The following FBXL2 variants were observed in gnomAD, a reference collection of about 807,000 sequenced individuals.
FBXL2 encodes F-box and leucine rich repeat protein 2, also known as F-box/LRR-repeat protein 2.
FBXL2 carries 38 observed loss-of-function variants against 69.2 expected under a neutral mutation model. The observed-to-expected ratio is 0.55, with a 90% CI of 0.42 to 0.72. FBXL2 has a LOEUF of 0.72. FBXL2 is among the 30% of genes least tolerant of loss of function. The pLI is 0.00. For missense variants in FBXL2, 354 were observed against 520.3 expected (o/e 0.68, Z 3.11); for synonymous variants, 192 against 201.3 (o/e 0.95, Z 0.39).
chr3:33,301,819 C>T (rs981317779), intron 2 of FBXL2, among the ~76,000 whole-genome samples: 10 of 152,066 alleles, frequency 6.6e-5, no homozygotes, highest in African/African-American at 2.4e-4. Context: ...GTTGGAGTAT[C>T]CTTGCATATA....
At chr3:33,317,751 G>A in intron 2 of FBXL2, 1 of 271,500 alleles carries the variant, frequency 3.7e-6, no homozygotes, top group Non-Finnish European at 7.4e-6. Context: ...TACATCTGAA[G>A]TGGATGTTAG....
the FBXL2 span, among the ~76,000 whole-genome samples, chr3:33,421,822 G>T: frequency 6.6e-6 from 1 of 152,156 alleles, no homozygotes; most frequent in Non-Finnish European, 1.5e-5. Flanking sequence ...GCCAAGGTGG[G>T]TGGATCACTT....
chr3:33,316,936 CTG>C (rs1217197542), intron 2 of FBXL2, among the ~76,000 whole-genome samples: 1 of 151,802 alleles, frequency 6.6e-6, no homozygotes, highest in African/African-American at 2.4e-5. Flanking sequence ...AGATCTCACT[CTG>C]TTGTCCAGGC....
chr3:33,378,890 G>A, intron 13 of FBXL2, 149 bp downstream of exon 13: 5 of 1,422,874 alleles, frequency 3.5e-6, no homozygotes, highest in South Asian at 1.5e-5. Context: ...GGGAGGCAAG[G>A]TATCTAAATA....
At chr3:33,403,117 A>G in intron 12 of FBXL2, 5 of 500,790 alleles carry the variant, frequency 1.0e-5, no homozygotes, top group Non-Finnish European at 1.8e-5. Context: ...TTAATCTTAG[A>G]GAAGACCTAA....
downstream of FBXL2, among the ~76,000 whole-genome samples, chr3:33,404,899 A>G (rs1295510110): frequency 6.6e-6 from 1 of 152,180 alleles, no homozygotes; most frequent in Non-Finnish European, 1.5e-5. Flanking sequence ...AAAATTCTAG[A>G]AGTTATATTC....
At chr3:33,280,600 T>G (rs750191503) in intron 1 of FBXL2, among the ~76,000 whole-genome samples, 10 of 151,978 alleles carry the variant, frequency 6.6e-5, no homozygotes, top group African/African-American at 2.4e-4. Flanking sequence ...TCCTACCTAT[T>G]TGGGCAGCTG....
intron 12 of FBXL2, chr3:33,402,719 G>C: frequency 3.0e-6 from 3 of 1,000,256 alleles, no homozygotes; most frequent in Non-Finnish European, 4.2e-6. Flanking sequence ...CAAACAAAAG[G>C]CTGCTGTACA....
chr3:33,322,268 C>T (rs1437664963), intron 2 of FBXL2, among the ~76,000 whole-genome samples: 1 of 151,646 alleles, frequency 6.6e-6, no homozygotes, highest in Non-Finnish European at 1.5e-5. Flanking sequence ...TTAGTACAGA[C>T]AGGGTTTTAC....
intron 2 of FBXL2, among the ~76,000 whole-genome samples, chr3:33,350,714 G>T (rs939874027): frequency 6.6e-6 from 1 of 152,078 alleles, no homozygotes; most frequent in Non-Finnish European, 1.5e-5. Context: ...GGGATTACAG[G>T]TGTGAGCCAC....
rs2033389197 is a variant in FBXL2 at position 33,277,479 on chromosome 3, T to G, written c.-34T>G. The G allele has an allele frequency of 2.3e-6, 3 of 1,287,544 alleles. No individual in the cohort carries two copies. Among genetic ancestry groups the G allele is most frequent in the Non-Finnish European group, 3.0e-6 (3 of 1,010,004 alleles). 79.8% of individuals were successfully genotyped at this position (1,287,544 alleles called of 1,614,324 possible). On this transcript the variant is annotated 5_prime_UTR_variant, in exon 1 of 15. Coordinates refer to ENST00000484457, the MANE Select transcript of FBXL2 (RefSeq NM_012157.5). The stretch of plus-strand genomic sequence containing the variant: ...ACGGGCGTCGCCGGCGCCGTGTGAC[T>G]TCGGGCTGTGGGCTCGCTCGCGGCT...
intron 12 of FBXL2, chr3:33,393,392 C>T: frequency 1.9e-6 from 3 of 1,613,454 alleles, no homozygotes; most frequent in Non-Finnish European, 2.5e-6. Flanking sequence ...ATATTAAACA[C>T]CAGCGCAAGT....
chr3:33,277,466 G>A lies in FBXL2; in HGVS notation c.-47G>A. 1 of 1,270,952 alleles carries A rather than the reference G, an allele frequency of 7.9e-7. No homozygotes were observed. Among genetic ancestry groups the A allele is most frequent in the Non-Finnish European group, 1.0e-6 (1 of 1,001,424 alleles). 78.7% of individuals were successfully genotyped at this position (1,270,952 alleles called of 1,614,324 possible). On this transcript the variant is annotated 5_prime_UTR_variant, in exon 1 of 15. Transcript: ENST00000484457. ...CGTCACCAGGACAACGGGCGTCGCC[G>A]GCGCCGTGTGACTTCGGGCTGTGGG...
At chr3:33,355,256 G>T (rs552682215) in intron 2 of FBXL2, among the ~76,000 whole-genome samples, 1 of 152,134 alleles carries the variant, frequency 6.6e-6, no homozygotes, top group African/African-American at 2.4e-5. Context: ...TAATAAGAAC[G>T]TCAAATAACC....
intron 2 of FBXL2, among the ~76,000 whole-genome samples, chr3:33,320,759 G>A (rs904635851): frequency 2.0e-5 from 3 of 151,996 alleles, no homozygotes; most frequent in Non-Finnish European, 2.9e-5. Flanking sequence ...GATTACAGGC[G>A]TGAGCCACCA....
chr3:33,287,319 G>A (rs776379713), intron 1 of FBXL2, among the ~76,000 whole-genome samples: 2 of 152,016 alleles, frequency 1.3e-5, no homozygotes, highest in Non-Finnish European at 2.9e-5. Context: ...TCTCCCTTTT[G>A]TCTGTACTAT....
At chr3:33,323,769 A>G (rs1300032625) in intron 2 of FBXL2, among the ~76,000 whole-genome samples, 1 of 152,124 alleles carries the variant, frequency 6.6e-6, no homozygotes, top group Non-Finnish European at 1.5e-5. Context: ...CAATAAACAT[A>G]TGTGTGTATG....
intron 2 of FBXL2, among the ~76,000 whole-genome samples, chr3:33,353,010 G>A (rs1422078883): frequency 6.6e-6 from 1 of 152,202 alleles, no homozygotes; most frequent in East Asian, 1.9e-4. Context: ...AAGAAGATAT[G>A]CAGATGACAA....
chr3:33,354,530 AGG>A (rs2154039420), intron 2 of FBXL2, among the ~76,000 whole-genome samples: 1 of 152,198 alleles, frequency 6.6e-6, no homozygotes, highest in Admixed American at 6.6e-5. Context: ...AAAAAATTAA[AGG>A]GGAGATAAAC....
Sources: allele counts gnomAD v4.1 joint callset (sites outside exome capture counted in the v4.1 genomes callset), GRCh38; gene constraint gnomAD v4.1.1; transcripts MANE v1.5; gene names NCBI Gene and HGNC (gene_info 2026-07-23, HGNC 2026-07-21).